The following PSMG4 variants were observed in gnomAD, a reference collection of about 807,000 sequenced individuals.
The protein encoded by PSMG4 is proteasome (prosome, macropain) assembly chaperone 4.
PSMG4 carries 10 observed loss-of-function variants against 11.0 expected under a neutral mutation model. The ratio of observed to expected loss-of-function variants is 0.91; its 90% CI spans 0.56 to 1.54. The LOEUF (loss-of-function observed/expected upper bound fraction) is 1.54. PSMG4 is among the 40% of genes most tolerant of loss of function. The probability of loss-of-function intolerance (pLI) is 0.00; values close to 1 mark genes in which losing one functional copy is unlikely to be tolerated. For synonymous variants in PSMG4, 95 were observed against 71.3 expected (o/e 1.33, Z -1.68); for missense variants, 198 against 160.9 (o/e 1.23, Z -1.25).
At chr6:3,259,892 G>A (rs1391539818) in intron 1 of PSMG4, among the ~76,000 whole-genome samples, 1 of 152,182 alleles carries the variant, frequency 6.6e-6, no homozygotes, top group African/African-American at 2.4e-5. Context: ...GTTTCCTGAG[G>A]CAGCTGTAAG....
At chr6:3,264,358 C>T (rs1179391013) in intron 2 of PSMG4, 1 of 1,539,672 alleles carries the variant, frequency 6.5e-7, no homozygotes, top group Non-Finnish European at 8.8e-7. Flanking sequence ...GACCCCCAGC[C>T]CCAGTGCCTG....
rs181248395 is a variant in PSMG4 at position 3,261,679 on chromosome 6, G to A, written c.175-2005G>A. 1.6e-3 allele frequency among the ~76,000 whole-genome samples: 241 copies of A among 152,284 alleles called. 2 individuals are homozygous for A. The highest frequency in any genetic ancestry group is 0.011 in the South Asian group (53 of 4,828). ...GTGTTCTCTCCAGGGGCAGAGAGCC[G>A]AGCCAGCTGGGGAAAAGAGGTGTAG... On this transcript the variant is annotated intron_variant, in intron 1 of 2. Transcript: ENST00000438998.
intron 1 of PSMG4, among the ~76,000 whole-genome samples, chr6:3,260,231 T>C (rs1757927337): frequency 6.7e-6 from 1 of 150,364 alleles, no homozygotes; most frequent in Non-Finnish European, 1.5e-5. Flanking sequence ...ATCAGTAATG[T>C]TGGATTAAGG....
At chr6:3,259,254 C>G in intron 1 of PSMG4, 58 bp downstream of exon 1, 1 of 1,223,736 alleles carries the variant, frequency 8.2e-7, no homozygotes, top group South Asian at 3.6e-5. Flanking sequence ...GGGCGCCGGG[C>G]CTGCGCGAGC....
chr6:3,255,415 C>T (rs146667633), upstream of PSMG4, among the ~76,000 whole-genome samples: 3 of 151,408 alleles, frequency 2.0e-5, no homozygotes, highest in African/African-American at 4.8e-5. Flanking sequence ...TTTCACACTT[C>T]GTGGACACTC....
upstream of PSMG4, among the ~76,000 whole-genome samples, chr6:3,254,679 T>G (rs780386267): frequency 1.1e-4 from 16 of 152,140 alleles, 1 homozygote; most frequent in Non-Finnish European, 1.5e-4. Context: ...GCGAAACCAC[T>G]AAACTCAACA....
upstream of PSMG4, chr6:3,254,949 T>C (rs1256947542): frequency 2.3e-6 from 3 of 1,299,010 alleles, no homozygotes; most frequent in Middle Eastern, 2.0e-4. Flanking sequence ...GTGTCAGCTG[T>C]TGGGTGTTGC....
intron 2 of PSMG4, chr6:3,264,213 C>T (rs745496696): frequency 1.9e-6 from 3 of 1,551,548 alleles, no homozygotes; most frequent in Middle Eastern, 1.7e-4. Flanking sequence ...GTTCAGGGCT[C>T]GGAGGGAAGA....
At chr6:3,264,257 G>A (rs1426739588) in intron 2 of PSMG4, 17 of 1,551,334 alleles carry the variant, frequency 1.1e-5, no homozygotes, top group Non-Finnish European at 1.4e-5. Context: ...GTAGAGTGGG[G>A]ATTAAGCAAA....
intron 1 of PSMG4, among the ~76,000 whole-genome samples, chr6:3,260,291 A>ATATATTTTTTT: frequency 9.3e-4 from 66 of 70,848 alleles, no homozygotes; most frequent in African/African-American, 2.1e-3. Context: ...ATATATATAT[A>ATATATTTTTTT]TTTTTTTTTT....
intron 1 of PSMG4, among the ~76,000 whole-genome samples, chr6:3,261,452 G>T (rs188093454): frequency 5.9e-5 from 9 of 152,264 alleles, no homozygotes; most frequent in Non-Finnish European, 1.3e-4. Context: ...GGTTTGGGCT[G>T]GTAAGTTTGG....
chr6:3,264,856 T>C (rs4602755), intron 2 of PSMG4: 129,129 of 155,636 alleles, frequency 0.83, 53,888 homozygotes, highest in Non-Finnish European at 0.87. Flanking sequence ...AAAGTAAAGC[T>C]GCCTTTTGTG....
chr6:3,267,768 T>C lies in PSMG4; in HGVS notation c.*56T>C, dbSNP rs1390005898. On this transcript the variant is annotated 3_prime_UTR_variant, in exon 3 of 3. Coordinates refer to ENST00000438998, the MANE Select transcript of PSMG4 (RefSeq NM_001128591.2). The stretch of plus-strand genomic sequence containing the variant: ...TATGTACAATGTACGTGTAAATAAA[T>C]GGATTGAATTTCAGTTTGTCATCAG... 3.3e-6 allele frequency: 5 copies of C among 1,508,670 alleles called. No individual in the cohort carries two copies. The South Asian group carries it at 3.7e-5, about 11-fold the overall frequency. The allele number at this position is 1,508,670 out of a possible 1,614,324, so 93.5% of individuals were successfully genotyped here. A position where few individuals can be genotyped will look rare whatever the true frequency, so the allele number is the denominator to read the frequency against.
chr6:3,259,315 A>G (rs1757880333), intron 1 of PSMG4, 119 bp downstream of exon 1: 2 of 952,776 alleles, frequency 2.1e-6, no homozygotes, highest in Non-Finnish European at 2.7e-6. Flanking sequence ...ACTCCCCCGA[A>G]GCCCACCCGT....
intron 1 of PSMG4, among the ~76,000 whole-genome samples, chr6:3,263,115 G>A (rs1054516841): frequency 1.5e-4 from 22 of 149,586 alleles, no homozygotes; most frequent in Non-Finnish European, 2.8e-4. Flanking sequence ...GGCCAAGCAT[G>A]TTCAGAAGTT....
intron 1 of PSMG4, among the ~76,000 whole-genome samples, chr6:3,259,877 T>C (rs11963347): frequency 0.18 from 26,723 of 152,188 alleles, 5,309 homozygotes; most frequent in African/African-American, 0.49. Flanking sequence ...GCCTGGTTTC[T>C]CCTGGTTTCC....
upstream of PSMG4, among the ~76,000 whole-genome samples, chr6:3,254,630 C>T (rs548921544): frequency 8.5e-5 from 13 of 152,236 alleles, no homozygotes; most frequent in South Asian, 2.1e-4. Flanking sequence ...AGAGGTGTAA[C>T]ACTGATTGTG....
At chr6:3,259,791 A>C (rs2127257320) in intron 1 of PSMG4, among the ~76,000 whole-genome samples, 1 of 151,136 alleles carries the variant, frequency 6.6e-6, no homozygotes, top group African/African-American at 2.4e-5. Context: ...CCTCACCTTC[A>C]CCCTGCCGCG....
upstream of PSMG4, among the ~76,000 whole-genome samples, chr6:3,258,351 A>ATTT (rs1757835836): frequency 6.6e-6 from 1 of 152,208 alleles, no homozygotes; most frequent in South Asian, 2.1e-4. Context: ...GGCGTCCAAA[A>ATTT]GGGTGCCTGC....
Sources: allele counts gnomAD v4.1 joint callset (sites outside exome capture counted in the v4.1 genomes callset), GRCh38; gene constraint gnomAD v4.1.1; transcripts MANE v1.5; gene names NCBI Gene and HGNC (gene_info 2026-07-23, HGNC 2026-07-21).